The following CCP110 variants were observed in gnomAD, a reference collection of about 807,000 sequenced individuals.
CCP110 encodes the protein centriolar coiled-coil protein 110.
A neutral mutation model predicts 105.5 loss-of-function variants in CCP110; 43 were observed. The ratio of observed to expected loss-of-function variants is 0.41; its 90% CI spans 0.32 to 0.53. CCP110 has a LOEUF of 0.53. Among genes scored for constraint, CCP110 ranks in the 20% least tolerant of loss-of-function variants. The pLI is 0.32. For missense variants in CCP110, 1,016 were observed against 1,189.1 expected (o/e 0.85, Z 2.14); for synonymous variants, 353 against 392.1 (o/e 0.90, Z 1.18).
At chr16:19,542,104 C>A in intron 6 of CCP110, 40 bp downstream of exon 6, 2 of 1,334,744 alleles carry the variant, frequency 1.5e-6, no homozygotes, top group Non-Finnish European at 2.1e-6. Context: ...GGAAAGTGAT[C>A]CTACGGTAAG....
intron 8 of CCP110, among the ~76,000 whole-genome samples, chr16:19,543,588 T>G (rs1416632672): frequency 6.6e-6 from 1 of 152,182 alleles, no homozygotes; most frequent in Non-Finnish European, 1.5e-5. Context: ...AGAGCCATAT[T>G]TTTCGTCTTG....
exon 5 of CCP110, chr16:19,540,745 A>T (rs768434969): frequency 6.2e-7 from 1 of 1,613,362 alleles, no homozygotes; most frequent in South Asian, 1.1e-5. Context: ...AATTATCACT[A>T]CTCATAGCTG....
rs771749310 is a variant in CCP110, at chr16:19,545,160, A to G, written c.2653A>G (p.Ile885Val). ...AATGGATGCAGCTGAAAGAATGTCT[A>G]TTCTACATCATGATCGAGAAGTTCG... The change falls in exon 10 of 15, where the codon ATT becomes GTT. Residue 885 changes from isoleucine to valine, a missense_variant. Transcript: ENST00000381396. The G allele has an allele frequency of 1.2e-5, 19 of 1,612,218 alleles. No homozygotes were observed. The highest frequency in any genetic ancestry group is 1.1e-4 in the East Asian group (5 of 44,802).
intron 14 of CCP110, among the ~76,000 whole-genome samples, chr16:19,550,653 T>A (rs1027983537): frequency 2.0e-5 from 3 of 152,238 alleles, no homozygotes; most frequent in African/African-American, 7.2e-5. Context: ...AATCCTTTGT[T>A]AAGCAATTTA....
chr16:19,550,345 G>T (rs1970596911), intron 14 of CCP110, among the ~76,000 whole-genome samples: 1 of 152,068 alleles, frequency 6.6e-6, no homozygotes, highest in South Asian at 2.1e-4. Flanking sequence ...TAGAGATGGG[G>T]TTTTACCATA....
At chr16:19,542,178 C>T (rs1214634054) in intron 6 of CCP110, 114 bp downstream of exon 6, 2 of 680,092 alleles carry the variant, frequency 2.9e-6, no homozygotes, top group Non-Finnish European at 4.7e-6. Context: ...GTCCAACCCT[C>T]TTTGCCAGCT....
chr16:19,551,898 G>A (rs1970653397), exon 15 of CCP110: 2 of 152,124 alleles, frequency 1.3e-5, no homozygotes, highest in Admixed American at 1.3e-4. Flanking sequence ...TGTTACCCCA[G>A]TACTGTTAGA....
At chr16:19,549,442 A>G (rs1970563839) in intron 14 of CCP110, among the ~76,000 whole-genome samples, 2 of 152,216 alleles carry the variant, frequency 1.3e-5, no homozygotes, top group South Asian at 4.1e-4. Context: ...CCTTCAAATT[A>G]GGAGGGAACA....
rs894957731 is a variant in CCP110, at chr16:19,537,642, A to C, written c.1918+55A>C. On this transcript the variant is annotated intron_variant, in intron 4 of 14. Coordinates refer to ENST00000381396, the Ensembl canonical transcript of CCP110. Reference sequence around the variant, plus strand: ...TCTATGCAGATACCTTTATTTTAATACTCTTAATTGACATTTTTGGGAAAA... The same window carrying C: ...TCTATGCAGATACCTTTATTTTAATCCTCTTAATTGACATTTTTGGGAAAA... The C allele has an allele frequency of 2.8e-5, 28 of 990,968 alleles. No individual in the cohort carries two copies. The African/African-American group carries it at 4.3e-4, about 15-fold the overall frequency. The allele number at this position is 990,968 out of a possible 1,614,324, so 61.4% of individuals were successfully genotyped here.
chr16:19,548,566 A>G lies in CCP110; in HGVS notation c.2952A>G (p.Ser984=). 6.5e-7 allele frequency: 1 copy of G among 1,550,096 alleles called. No homozygotes were observed. Among genetic ancestry groups the G allele is most frequent in the Non-Finnish European group, 8.7e-7 (1 of 1,146,596 alleles). ...TTGTGCAAAATAGACAGAAGCCTTC[A>G]CAGAGCAGAGTGCCTAACAGAGTGC... The change falls in exon 14 of 15, where the codon TCA becomes TCG. Residue 984 remains serine (S), a synonymous_variant. Coordinates refer to ENST00000381396, the Ensembl canonical transcript of CCP110. The surrounding 1 kb of genome is among the most constrained non-coding windows in gnomAD (Gnocchi z 4.1).
intron 5 of CCP110, among the ~76,000 whole-genome samples, chr16:19,541,332 T>G (rs937192015): frequency 6.6e-6 from 1 of 151,712 alleles, no homozygotes; most frequent in African/African-American, 2.4e-5. Flanking sequence ...AACTATACAT[T>G]ATCACATATT....
exon 2 of CCP110, chr16:19,527,927 CAAG>C: frequency 3.1e-6 from 5 of 1,613,462 alleles, no homozygotes; most frequent in Non-Finnish European, 4.2e-6. Context: ...TGCCAGAATA[CAAG>C]AAGCATCACT....
chr16:19,533,567 G>C (rs997547023), intron 3 of CCP110, among the ~76,000 whole-genome samples: 1 of 152,190 alleles, frequency 6.6e-6, no homozygotes, highest in East Asian at 1.9e-4. Flanking sequence ...GAGAAAGGTG[G>C]GGGTAGAGGA....
At chr16:19,525,372 A>G (rs953108926) in intron 1 of CCP110, 1 of 152,264 alleles carries the variant, frequency 6.6e-6, no homozygotes, top group Non-Finnish European at 1.5e-5. Flanking sequence ...TGGACCAGTG[A>G]TGCCTGATGG....
At chr16:19,545,256 G>T (rs1196035166) in intron 10 of CCP110, 46 bp downstream of exon 10, 1 of 1,080,874 alleles carries the variant, frequency 9.3e-7, no homozygotes, top group South Asian at 1.4e-5. Flanking sequence ...TGGGTTTAGG[G>T]TAATTGATAC....
At chr16:19,537,919 G>A (rs906349653) in intron 4 of CCP110, among the ~76,000 whole-genome samples, 3 of 152,080 alleles carry the variant, frequency 2.0e-5, no homozygotes, top group Non-Finnish European at 2.9e-5. Flanking sequence ...CACCATGCCC[G>A]GCTAATTTTT....
At chr16:19,547,890 G>T in intron 12 of CCP110, 65 bp from the exon 13 acceptor site, 1 of 1,168,130 alleles carries the variant, frequency 8.6e-7, no homozygotes, top group Non-Finnish European at 1.3e-6. Context: ...TTCATCCGTT[G>T]AAAGAAAATG....
intron 10 of CCP110, 139 bp from the exon 11 acceptor site, chr16:19,545,678 T>C: frequency 1.7e-6 from 1 of 604,870 alleles, no homozygotes; most frequent in South Asian, 2.0e-5. Context: ...GCTTCAAAAA[T>C]ACAAAACAAG....
rs117858105 is a variant in CCP110 at position 19,540,335 on chromosome 16, G to A, written c.1919-322G>A. Reference sequence around the variant, plus strand: ...AGTGTCAAAAAAACAAATGATGGTAGGATGCAGTTGAGGACCACATCTGAA... The same window carrying A: ...AGTGTCAAAAAAACAAATGATGGTAAGATGCAGTTGAGGACCACATCTGAA... On this transcript the variant is annotated intron_variant, in intron 4 of 14. Coordinates refer to ENST00000381396, the Ensembl canonical transcript of CCP110. Among the ~76,000 whole-genome samples, 358 of 152,296 alleles carry A rather than the reference G, an allele frequency of 2.4e-3. 1 individual carries two copies. Among genetic ancestry groups the A allele is most frequent in the Middle Eastern group, 6.8e-3 (2 of 294 alleles).
Sources: gnomAD v4.1 joint callset for allele counts (sites outside exome capture counted in the v4.1 genomes callset) on GRCh38, gnomAD v4.1.1 for gene constraint, Gnocchi (gnomAD v3.1) non-coding constraint, MANE v1.5 for transcripts, NCBI Gene and HGNC (gene_info 2026-07-23, HGNC 2026-07-21) for gene names.